ZFHX3: variants seen among roughly 807,000 people sequenced by gnomAD.
ZFHX3 encodes zinc finger homeobox 3.
A neutral mutation model predicts 279.1 loss-of-function variants in ZFHX3; 42 were observed. The observed-to-expected ratio is 0.15, with a 90% CI of 0.12 to 0.19. ZFHX3 has a LOEUF of 0.19. ZFHX3 is among the 10% of genes least tolerant of loss of function. The pLI is 1.00. For missense variants in ZFHX3, 4,981 were observed against 4,754.0 expected (o/e 1.05, Z -1.40); for synonymous variants, 2,293 against 1,957.8 (o/e 1.17, Z -4.52).
At chr16:73,765,101 G>A (rs762659295) in intron 1 of ZFHX3, among the ~76,000 whole-genome samples, 6 of 152,110 alleles carry the variant, frequency 3.9e-5, no homozygotes, top group Non-Finnish European at 7.4e-5. Flanking sequence ...GTTGCTAAAA[G>A]GCCACCTTCA....
chr16:72,990,670 AAACT>A (rs1456366716), intron 1 of ZFHX3, among the ~76,000 whole-genome samples: 1 of 152,236 alleles, frequency 6.6e-6, no homozygotes, highest in Non-Finnish European at 1.5e-5. Flanking sequence ...GAGAAGCACT[AAACT>A]AACACCTTGA....
intron 1 of ZFHX3, among the ~76,000 whole-genome samples, chr16:73,838,408 T>G (rs1404368044): frequency 6.6e-6 from 1 of 152,214 alleles, no homozygotes; most frequent in African/African-American, 2.4e-5. Context: ...AGAAAATGGC[T>G]CCTCTTGCCA....
At chr16:73,698,166 C>T (rs543211468) in intron 1 of ZFHX3, among the ~76,000 whole-genome samples, 97 of 151,048 alleles carry the variant, frequency 6.4e-4, no homozygotes, top group Middle Eastern at 3.5e-3. Flanking sequence ...TCCCAATGGC[C>T]GAAACTGGAA....
intron 7 of ZFHX3, among the ~76,000 whole-genome samples, chr16:73,114,827 T>C (rs1467210137): frequency 6.6e-6 from 1 of 152,190 alleles, no homozygotes; most frequent in Non-Finnish European, 1.5e-5. Flanking sequence ...TTCCTAATTT[T>C]AGTTTGTTTT....
chr16:73,070,908 ACCGTCTTGCGCGCGCGCGCGCGCGCGCG>A (rs1205909876), intron 8 of ZFHX3, among the ~76,000 whole-genome samples: 7 of 125,212 alleles, frequency 5.6e-5, no homozygotes, highest in African/African-American at 1.9e-4. Flanking sequence ...TGGTTCCTAG[ACCGTCTTGCGCGCGCGCGCGCGCGCGCG>A]CGCACACACA....
intron 3 of ZFHX3, among the ~76,000 whole-genome samples, chr16:72,890,829 C>T (rs953584267): frequency 6.6e-6 from 1 of 152,242 alleles, no homozygotes; most frequent in Non-Finnish European, 1.5e-5. Context: ...GATTTACATA[C>T]TGTCTATGGA....
At chr16:72,881,733 A>T (rs1377621093) in intron 4 of ZFHX3, among the ~76,000 whole-genome samples, 1 of 152,126 alleles carries the variant, frequency 6.6e-6, no homozygotes, top group Non-Finnish European at 1.5e-5. Flanking sequence ...ACAGCAGAGG[A>T]CGGCTGCCAC....
At chr16:73,654,561 C>T (rs2052703414) in intron 2 of ZFHX3, among the ~76,000 whole-genome samples, 1 of 151,790 alleles carries the variant, frequency 6.6e-6, no homozygotes, top group Non-Finnish European at 1.5e-5. Flanking sequence ...ATATGAAATT[C>T]CTAAAAAATT....
intron 3 of ZFHX3, among the ~76,000 whole-genome samples, chr16:72,892,210 G>A (rs1177369936): frequency 6.6e-6 from 1 of 152,188 alleles, no homozygotes; most frequent in Admixed American, 6.5e-5. Context: ...ATGGGAGGGG[G>A]GTTGAAGCCC....
chr16:73,772,618 T>G (rs2054031181), intron 1 of ZFHX3, among the ~76,000 whole-genome samples: 1 of 152,202 alleles, frequency 6.6e-6, no homozygotes, highest in Non-Finnish European at 1.5e-5. Context: ...GCTAGTCTCC[T>G]TCTCACTTGG....
At chr16:73,875,854 A>C (rs2029930569) in intron 1 of ZFHX3, among the ~76,000 whole-genome samples, 1 of 152,306 alleles carries the variant, frequency 6.6e-6, no homozygotes, top group South Asian at 2.1e-4. Context: ...TTATCAATCC[A>C]CCTACACCGA....
intron 2 of ZFHX3, among the ~76,000 whole-genome samples, chr16:73,648,242 T>C (rs1389745646): frequency 1.3e-5 from 2 of 152,198 alleles, no homozygotes; most frequent in Non-Finnish European, 1.5e-5. Flanking sequence ...CTAGAAATAA[T>C]CTAAATTACT....
chr16:73,630,661 T>C (rs187724578), intron 2 of ZFHX3, among the ~76,000 whole-genome samples: 15 of 152,278 alleles, frequency 9.9e-5, no homozygotes, highest in Non-Finnish European at 1.5e-4. Flanking sequence ...AGTTGTGACA[T>C]AAGAGAACAA....
intron 8 of ZFHX3, among the ~76,000 whole-genome samples, chr16:73,086,447 T>C (rs911079767): frequency 1.3e-5 from 2 of 152,156 alleles, no homozygotes; most frequent in African/African-American, 4.8e-5. Flanking sequence ...AGCAAAGATA[T>C]GGAATCCACC....
At chr16:73,540,100 T>C (rs2019984746) in intron 2 of ZFHX3, among the ~76,000 whole-genome samples, 1 of 152,208 alleles carries the variant, frequency 6.6e-6, no homozygotes, top group Non-Finnish European at 1.5e-5. Flanking sequence ...TGGAGCTCAT[T>C]GTCATAATGT....
In ZFHX3 at chr16:72,788,675, G is replaced by GCTT; in HGVS notation, c.9600_9601insAAG (p.Gln3200_Gln3201insLys). The GCTT allele has an allele frequency of 6.2e-7, 1 of 1,612,962 alleles. No individual in the cohort carries two copies. Among genetic ancestry groups the GCTT allele is most frequent in the Admixed American group, 1.7e-5 (1 of 59,960 alleles). Reference sequence around the variant, plus strand: ...TGCTGCACCTGTGGTTGCTGCTGCTGCTGCTGCTGCTGGGGGGGTTGCTGA... The same window carrying GCTT: ...TGCTGCACCTGTGGTTGCTGCTGCTGCTTCTGCTGCTGCTGGGGGGGTTGCTGA... On this transcript the variant is annotated inframe_insertion, in exon 10 of 10. Coordinates refer to ENST00000268489, the MANE Select transcript of ZFHX3 (RefSeq NM_006885.4).
intron 1 of ZFHX3, among the ~76,000 whole-genome samples, chr16:73,739,990 T>G (rs1032061814): frequency 6.6e-6 from 1 of 152,068 alleles, no homozygotes; most frequent in Non-Finnish European, 1.5e-5. Flanking sequence ...CTCCTCCCAG[T>G]CCCTCTCAGG....
At chr16:73,198,910 C>T (rs951924677) in intron 5 of ZFHX3, among the ~76,000 whole-genome samples, 1 of 152,126 alleles carries the variant, frequency 6.6e-6, no homozygotes, top group Non-Finnish European at 1.5e-5. Flanking sequence ...CTTCTCAAAG[C>T]AAACCATCAA....
chr16:73,873,971 T>A (rs1003181783), intron 1 of ZFHX3, among the ~76,000 whole-genome samples: 11 of 150,870 alleles, frequency 7.3e-5, no homozygotes, highest in Non-Finnish European at 1.5e-4. Context: ...GAAAAAAAAG[T>A]AAGAAGAAAA....
Sources: allele counts gnomAD v4.1 joint callset (sites outside exome capture counted in the v4.1 genomes callset), GRCh38; gene constraint gnomAD v4.1.1; transcripts MANE v1.5; gene names NCBI Gene and HGNC (gene_info 2026-07-23, HGNC 2026-07-21).